Variants in MRTFA observed in about 807,000 individuals in gnomAD.
MRTFA encodes the protein myocardin related transcription factor A.
A neutral mutation model predicts 83.5 loss-of-function variants in MRTFA; 20 were observed. The observed-to-expected ratio is 0.24, with a 90% CI of 0.17 to 0.35. MRTFA has a LOEUF of 0.35. Ranked by LOEUF, MRTFA falls within the 10% of genes least tolerant of loss-of-function variation. The pLI is 1.00. For synonymous variants in MRTFA, 659 were observed against 541.2 expected, an observed-to-expected ratio of 1.22 and a Z score of -3.02; for missense variants, 1,200 against 1,224.7, an observed-to-expected ratio of 0.98 and a Z score of 0.30.
At position 40,410,356 on chromosome 22, in the gene MRTFA, G is replaced by GTGAC; in HGVS notation, c.*1030_*1033dup. 1 of 273,602 alleles carries GTGAC rather than the reference G, an allele frequency of 3.7e-6. No individual in the cohort carries two copies. Among genetic ancestry groups the GTGAC allele is most frequent in the East Asian group, 6.0e-5 (1 of 16,548 alleles). 16.9% of individuals were successfully genotyped at this position (273,602 alleles called of 1,614,324 possible). On this transcript the variant is annotated 3_prime_UTR_variant, in exon 15 of 15. Coordinates refer to ENST00000355630, the MANE Select transcript of MRTFA (RefSeq NM_020831.6). ...CATCTTTGTCCCAGCACTGGTTTTG[G>GTGAC]TGACTCCACCCCTACTCCCCTATGA...
intron 11 of MRTFA, 85 bp from the exon 12 acceptor site, chr22:40,419,469 T>A (rs1206008787): frequency 7.9e-7 from 1 of 1,269,628 alleles, no homozygotes; most frequent in East Asian, 2.3e-5. Flanking sequence ...CTGGGCCCCA[T>A]GGGCCACTGC....
At position 40,481,921 on chromosome 22, in the gene MRTFA, G is replaced by A. The variant is rs143121016; in HGVS notation, c.242-18635C>T. Among the ~76,000 whole-genome samples, 452 of 152,104 alleles carry A rather than the reference G, an allele frequency of 3.0e-3. 5 individuals are homozygous for A. The highest frequency in any genetic ancestry group is 0.01 in the African/African-American group (430 of 41,460). On this transcript the variant is annotated intron_variant, in intron 3 of 14. Transcript: ENST00000355630. ...TAAAAATACAAAAAGTTGGCTGGGC[G>A]TGGTGGTGGGCACCTGTAGTCCCAG... is the stretch of plus-strand genomic sequence containing the variant.
intron 2 of MRTFA, among the ~76,000 whole-genome samples, chr22:40,580,508 A>C: frequency 6.6e-6 from 1 of 152,172 alleles, no homozygotes; most frequent in Admixed American, 6.5e-5. Flanking sequence ...GACTTTTCCT[A>C]ATTTTTAATT....
At chr22:40,623,170 A>C (rs976217951) in intron 1 of MRTFA, among the ~76,000 whole-genome samples, 1 of 152,112 alleles carries the variant, frequency 6.6e-6, no homozygotes, top group African/African-American at 2.4e-5. Context: ...ATGTTCTTAT[A>C]ATTTACTTTG....
At chr22:40,561,368 G>A (rs2055614831) in intron 2 of MRTFA, among the ~76,000 whole-genome samples, 1 of 151,966 alleles carries the variant, frequency 6.6e-6, no homozygotes, top group Non-Finnish European at 1.5e-5. Context: ...ATGCATGCCT[G>A]TAGTCCCAGC....
At chr22:40,519,191 C>T (rs1672601903) in intron 3 of MRTFA, among the ~76,000 whole-genome samples, 1 of 151,992 alleles carries the variant, frequency 6.6e-6, no homozygotes, top group African/African-American at 2.4e-5. Flanking sequence ...GATGTGTCCA[C>T]CTGTGAGGCA....
intron 2 of MRTFA, among the ~76,000 whole-genome samples, chr22:40,563,188 C>G (rs1020919234): frequency 6.6e-6 from 1 of 152,124 alleles, no homozygotes; most frequent in Non-Finnish European, 1.5e-5. Flanking sequence ...CGGCTCTTTA[C>G]TGTGACTGCC....
intron 2 of MRTFA, among the ~76,000 whole-genome samples, chr22:40,579,755 G>T (rs911963317): frequency 6.6e-6 from 1 of 152,050 alleles, no homozygotes; most frequent in Non-Finnish European, 1.5e-5. Context: ...AGCTACTTGG[G>T]AGGCTGAGAC....
intron 2 of MRTFA, among the ~76,000 whole-genome samples, chr22:40,564,586 C>G (rs924787700): frequency 1.3e-5 from 2 of 152,132 alleles, no homozygotes; most frequent in Non-Finnish European, 2.9e-5. Flanking sequence ...AATTGCATAT[C>G]AGCACTTTCT....
rs200833366 is a variant in MRTFA, at chr22:40,418,658, C to T, written c.2080G>A (p.Ala694Thr). Residue 694 changes from alanine (A) to threonine (T), a missense_variant, in exon 12 of 15, where the codon GCT becomes ACT. This residue lies in a region of MRTFA where 1,107 missense variants were observed against 1,041.8 expected (regional missense o/e 1.06). Coordinates refer to ENST00000355630, the MANE Select transcript of MRTFA (RefSeq NM_020831.6). ...GCCAGGCTGGGGTTGAATGGGTGAG[C>T]GGGGCCCAGGGGCTGCTGGCTCAGC... 1.3e-3 allele frequency: 1,745 copies of T among 1,383,234 alleles called. 2 individuals carry two copies. The highest frequency in any genetic ancestry group is 1.4e-3 in the Non-Finnish European group (1,443 of 1,059,446). The allele number at this position is 1,383,234 out of a possible 1,614,324, so 85.7% of individuals were successfully genotyped here.
chr22:40,563,065 C>T (rs2055652796), intron 2 of MRTFA, among the ~76,000 whole-genome samples: 1 of 152,142 alleles, frequency 6.6e-6, no homozygotes, highest in African/African-American at 2.4e-5. Flanking sequence ...AAAAGGATAA[C>T]AGTAACAATA....
At chr22:40,508,570 A>G (rs1191286258) in intron 3 of MRTFA, among the ~76,000 whole-genome samples, 1 of 146,982 alleles carries the variant, frequency 6.8e-6, no homozygotes, top group Non-Finnish European at 1.5e-5. Context: ...ACCACTTTCT[A>G]TGGATATAAT....
At chr22:40,593,758 T>C (rs1602473797) in intron 2 of MRTFA, among the ~76,000 whole-genome samples, 1 of 152,294 alleles carries the variant, frequency 6.6e-6, no homozygotes, top group Middle Eastern at 3.4e-3. Flanking sequence ...CTGTGCTAAG[T>C]GTAGATGCAG....
chr22:40,473,225 T>G (rs571354345), intron 3 of MRTFA, among the ~76,000 whole-genome samples: 1 of 152,194 alleles, frequency 6.6e-6, no homozygotes, highest in African/African-American at 2.4e-5. Context: ...AGTGGTATGA[T>G]CACGGCTCAC....
Position 40,587,995 on chromosome 22 carries a change from T to C in MRTFA, c.-22+6679A>G, listed in dbSNP as rs568092789. Reference sequence around the variant, plus strand: ...ACACTGATAACAGTGGATCAGCACATCCATGGGAAGGTGAGAAGGCCACAC... The same window carrying C: ...ACACTGATAACAGTGGATCAGCACACCCATGGGAAGGTGAGAAGGCCACAC... On this transcript the variant is annotated intron_variant, in intron 2 of 14. Coordinates refer to ENST00000355630, the MANE Select transcript of MRTFA (RefSeq NM_020831.6). The C allele has an allele frequency of 3.2e-5, 7 of 220,290 alleles. No individual in the cohort carries two copies. In the East Asian group the frequency reaches 6.8e-4, roughly 21 times the overall value. The allele number at this position is 220,290 out of a possible 1,614,324, so 13.6% of individuals were successfully genotyped here. A position where few individuals can be genotyped will look rare whatever the true frequency, so the allele number is the denominator to read the frequency against.
rs2147079818 is a variant in MRTFA, at chr22:40,423,688, G to A, written c.778-3C>T. ...CCCATCGGAAGTTGAGACACAACCT[G>A]AGAGGGAAAAAGGGAAGTGAGGACA... On this transcript the variant is annotated splice_region_variant and splice_polypyrimidine_tract_variant and intron_variant, in intron 8 of 14. Coordinates refer to ENST00000355630, the MANE Select transcript of MRTFA (RefSeq NM_020831.6). 1 of 1,541,518 alleles carries A rather than the reference G, an allele frequency of 6.5e-7. No homozygotes were observed.
intron 2 of MRTFA, among the ~76,000 whole-genome samples, chr22:40,588,188 C>A (rs1327251105): frequency 6.6e-6 from 1 of 152,022 alleles, no homozygotes; most frequent in Non-Finnish European, 1.5e-5. Context: ...GCCACCACGC[C>A]CAGATAATTT....
intron 4 of MRTFA, among the ~76,000 whole-genome samples, chr22:40,461,560 G>A (rs2053712438): frequency 6.6e-6 from 1 of 150,574 alleles, no homozygotes; most frequent in Non-Finnish European, 1.5e-5. Flanking sequence ...TGAGGCAGGA[G>A]GATCACGAGG....
chr22:40,491,342 T>TA (rs199971010), intron 3 of MRTFA, among the ~76,000 whole-genome samples: 20 of 147,158 alleles, frequency 1.4e-4, no homozygotes, highest in East Asian at 3.9e-4. Flanking sequence ...AAACCTGTCT[T>TA]AAAAAAAAAA....
Sources: allele counts gnomAD v4.1 joint callset (sites outside exome capture counted in the v4.1 genomes callset), GRCh38; gene constraint gnomAD v4.1.1; regional missense constraint gnomAD v4.1.1; transcripts MANE v1.5; gene names NCBI Gene and HGNC (gene_info 2026-07-23, HGNC 2026-07-21).